LEPR: variants seen among roughly 807,000 people sequenced by gnomAD.
The protein encoded by LEPR is OB receptor.
A neutral mutation model predicts 114.7 loss-of-function variants in LEPR; 56 were observed. The observed-to-expected ratio is 0.49, with a 90% CI of 0.39 to 0.61. The LOEUF (loss-of-function observed/expected upper bound fraction) is 0.61, where lower values mean the gene tolerates loss of function less well. LEPR is among the 20% of genes least tolerant of loss of function. LEPR has a pLI of 0.00. For missense variants in LEPR, 1,202 were observed against 1,352.9 expected, an observed-to-expected ratio of 0.89 and a Z score of 1.75; for synonymous variants, 443 against 461.4, an observed-to-expected ratio of 0.96 and a Z score of 0.51.
chr1:65,558,068 C>G (rs1451301068), intron 2 of LEPR, among the ~76,000 whole-genome samples: 2 of 152,204 alleles, frequency 1.3e-5, no homozygotes, highest in African/African-American at 4.8e-5. Flanking sequence ...TTACTATAGT[C>G]ACTAGTAAGT....
chr1:65,433,999 A>C (rs1646523686), intron 2 of LEPR: 1 of 985,234 alleles, frequency 1.0e-6, no homozygotes, highest in African/African-American at 1.7e-5. Flanking sequence ...GATGGCAATA[A>C]TGATTCATTT....
At chr1:65,551,318 G>A (rs1652332998) in intron 2 of LEPR, among the ~76,000 whole-genome samples, 1 of 152,112 alleles carries the variant, frequency 6.6e-6, no homozygotes, top group Non-Finnish European at 1.5e-5. Flanking sequence ...ACCTCTGGTA[G>A]AATTCGGCTG....
chr1:65,469,218 G>T (rs1487127439), intron 2 of LEPR, among the ~76,000 whole-genome samples: 1 of 152,204 alleles, frequency 6.6e-6, no homozygotes, highest in Non-Finnish European at 1.5e-5. Flanking sequence ...GGCTGTGTCT[G>T]TGTGGTGTAG....
At chr1:65,549,645 C>T (rs1652117674) in intron 2 of LEPR, among the ~76,000 whole-genome samples, 1 of 152,182 alleles carries the variant, frequency 6.6e-6, no homozygotes, top group Admixed American at 6.5e-5. Flanking sequence ...AGTTCTCGAG[C>T]CTTGGCTTTC....
chr1:65,631,896 CTT>C (rs1251066038), intron 19 of LEPR, among the ~76,000 whole-genome samples: 1 of 152,124 alleles, frequency 6.6e-6, no homozygotes, highest in East Asian at 1.9e-4. Flanking sequence ...TTTTAAGCCT[CTT>C]TAATTCATTT....
In LEPR at chr1:65,594,259, T is replaced by C. The variant is rs370958860; in HGVS notation, c.703+1394T>C. On this transcript the variant is annotated intron_variant, in intron 6 of 19. Transcript: ENST00000349533. Reference sequence around the variant, plus strand: ...AGCAGGAAGAACAATATTCACAAAATCCCTAAGATACAATGAACTTGGTAA... The same window carrying C: ...AGCAGGAAGAACAATATTCACAAAACCCCTAAGATACAATGAACTTGGTAA... Among the ~76,000 whole-genome samples the C allele has an allele frequency of 3.2e-4, 49 of 152,006 alleles. No individual in the cohort carries two copies. The East Asian group carries it at 4.6e-3, about 14-fold the overall frequency.
chr1:65,438,362 C>T (rs531336568), intron 2 of LEPR, among the ~76,000 whole-genome samples: 1 of 151,564 alleles, frequency 6.6e-6, no homozygotes, highest in South Asian at 2.1e-4. Flanking sequence ...CCATCCTGAC[C>T]AACATGGTGA....
At chr1:65,440,503 C>T (rs534326899) in intron 2 of LEPR, among the ~76,000 whole-genome samples, 27 of 152,056 alleles carry the variant, frequency 1.8e-4, no homozygotes, top group South Asian at 1.2e-3. Context: ...GAACGGGTGA[C>T]GGTGGCTTCT....
chr1:65,538,141 T>C (rs1171266), intron 2 of LEPR, among the ~76,000 whole-genome samples: 105,950 of 151,964 alleles, frequency 0.7, 37,926 homozygotes, highest in Middle Eastern at 0.87. Context: ...CTTTTTACTT[T>C]CTTTATTTTT....
chr1:65,497,333 C>T (rs6694528), intron 2 of LEPR, among the ~76,000 whole-genome samples: 32,418 of 152,062 alleles, frequency 0.21, 4,503 homozygotes, highest in African/African-American at 0.4. Context: ...TTGGTCTCAA[C>T]TGGGTTTCTT....
intron 5 of LEPR, among the ~76,000 whole-genome samples, chr1:65,574,544 T>G (rs780188055): frequency 1.3e-5 from 2 of 152,226 alleles, no homozygotes. Flanking sequence ...GAGGTTAATA[T>G]GACAGATTTT....
intron 15 of LEPR, among the ~76,000 whole-genome samples, chr1:65,617,218 A>G (rs1014357242): frequency 2.0e-5 from 3 of 152,082 alleles, no homozygotes; most frequent in East Asian, 1.9e-4. Context: ...GTGAATGTCT[A>G]TTTGCAAACT....
At position 65,600,274 on chromosome 1, in the gene LEPR, A is replaced by G. The variant is rs1396867424; in HGVS notation, c.995-1118A>G. The stretch of plus-strand genomic sequence containing the variant: ...GTGAAGCTTGAGTGCCACCTCGGCT[A>G]GGATTATACTCAGTCACGCTCATAA... On this transcript the variant is annotated intron_variant, in intron 8 of 19. Coordinates refer to ENST00000349533, the MANE Select transcript of LEPR (RefSeq NM_002303.6). Among the ~76,000 whole-genome samples the G allele has an allele frequency of 2.0e-5, 3 of 152,138 alleles. No individual in the cohort carries two copies. In the East Asian group the frequency reaches 5.8e-4, roughly 29 times the overall value.
intron 2 of LEPR, among the ~76,000 whole-genome samples, chr1:65,541,606 G>A (rs1246087324): frequency 6.6e-6 from 1 of 151,972 alleles, no homozygotes; most frequent in African/African-American, 2.4e-5. Context: ...ATAAATAAAA[G>A]TTAACATACT....
At chr1:65,550,230 G>A (rs532900709) in intron 2 of LEPR, among the ~76,000 whole-genome samples, 3 of 152,306 alleles carry the variant, frequency 2.0e-5, no homozygotes, top group South Asian at 4.1e-4. Flanking sequence ...CCTACTGGGG[G>A]GTGCCTCCCA....
At chr1:65,426,457 A>G (rs958222116) in intron 2 of LEPR, among the ~76,000 whole-genome samples, 1 of 152,122 alleles carries the variant, frequency 6.6e-6, no homozygotes, top group Non-Finnish European at 1.5e-5. Flanking sequence ...TTATGTTAAA[A>G]TGTCATTCTT....
intron 2 of LEPR, among the ~76,000 whole-genome samples, chr1:65,563,682 GT>G (rs1426690295): frequency 1.8e-5 from 2 of 113,974 alleles, no homozygotes; most frequent in African/African-American, 6.2e-5. Flanking sequence ...CATCTTTGTG[GT>G]TTTATCTACT....
chr1:65,420,759 C>T lies in LEPR; in HGVS notation c.-97+19C>T, dbSNP rs955752657. 6.3e-7 allele frequency: 1 copy of T among 1,577,090 alleles called. No individual in the cohort carries two copies. The highest frequency in any genetic ancestry group is 1.3e-5 in the African/African-American group (1 of 74,248). Reference sequence around the variant, plus strand: ...GTTAAAGGTACATCGCGGTCCCCGGCTCGCTTGTCGTGTGGTGGGGTTGCC... The same window carrying T: ...GTTAAAGGTACATCGCGGTCCCCGGTTCGCTTGTCGTGTGGTGGGGTTGCC... On this transcript the variant is annotated intron_variant, in intron 1 of 19. Transcript: ENST00000349533.
chr1:65,451,709 A>T (rs914606603), intron 2 of LEPR, among the ~76,000 whole-genome samples: 1 of 151,186 alleles, frequency 6.6e-6, no homozygotes, highest in Admixed American at 6.6e-5. Context: ...AGTCAGGTAG[A>T]GTGATGCCTC....
Sources: allele counts gnomAD v4.1 joint callset (sites outside exome capture counted in the v4.1 genomes callset), GRCh38; gene constraint gnomAD v4.1.1; transcripts MANE v1.5; gene names NCBI Gene and HGNC (gene_info 2026-07-23, HGNC 2026-07-21).